The following PDE8B variants were observed in gnomAD, a reference collection of about 807,000 sequenced individuals.
PDE8B encodes the protein high affinity cAMP-specific and IBMX-insensitive 3',5'-cyclic phosphodiesterase 8B.
In PDE8B, 26 loss-of-function variants were observed where a neutral mutation model predicts 101.3. The ratio of observed to expected loss-of-function variants is 0.26; its 90% confidence interval spans 0.19 to 0.36. The LOEUF (loss-of-function observed/expected upper bound fraction) is 0.36. Among genes scored for constraint, PDE8B ranks in the 10% least tolerant of loss-of-function variants. PDE8B has a pLI of 1.00. For synonymous variants in PDE8B, 424 were observed against 429.3 expected (o/e 0.99, Z 0.15); for missense variants, 810 against 1,163.1 (o/e 0.70, Z 4.42).
At chr5:77,355,507 T>A (rs902520161) in intron 10 of PDE8B, among the ~76,000 whole-genome samples, 1 of 152,004 alleles carries the variant, frequency 6.6e-6, no homozygotes, top group Non-Finnish European at 1.5e-5. Context: ...GGCCCATGGG[T>A]TTGCATTTTA....
chr5:77,359,750 G>T (rs1202584921), intron 10 of PDE8B, among the ~76,000 whole-genome samples: 1 of 152,086 alleles, frequency 6.6e-6, no homozygotes, highest in Non-Finnish European at 1.5e-5. Flanking sequence ...ACCCTTAGCT[G>T]AGCCTCAGTC....
intron 10 of PDE8B, among the ~76,000 whole-genome samples, chr5:77,359,710 C>T (rs895872183): frequency 4.6e-5 from 7 of 152,138 alleles, no homozygotes; most frequent in African/African-American, 1.7e-4. Flanking sequence ...TAATAACCAG[C>T]TTCAGCAGGG....
the PDE8B span, among the ~76,000 whole-genome samples, chr5:77,198,160 A>G: frequency 1.8e-4 from 28 of 152,268 alleles, no homozygotes; most frequent in African/African-American, 2.6e-4. Context: ...TTTTAAAGGT[A>G]GGTCTGCAGT....
chr5:77,093,373 C>CTT, the PDE8B span, among the ~76,000 whole-genome samples: 1 of 152,118 alleles, frequency 6.6e-6, no homozygotes, highest in African/African-American at 2.4e-5. Context: ...TTGGTATATA[C>CTT]TTTTTCATAG....
intron 1 of PDE8B, chr5:77,213,939 G>A (rs1287494463): frequency 6.6e-6 from 1 of 152,362 alleles, no homozygotes; most frequent in African/African-American, 2.4e-5. Flanking sequence ...AGGGTTATAA[G>A]CATTAATAAT....
At chr5:77,094,538 T>C in the PDE8B span, among the ~76,000 whole-genome samples, 2 of 152,190 alleles carry the variant, frequency 1.3e-5, no homozygotes, top group Non-Finnish European at 2.9e-5. Context: ...ACTCCTGGGC[T>C]CAAGTGATCC....
the PDE8B span, among the ~76,000 whole-genome samples, chr5:77,089,740 G>C: frequency 6.6e-6 from 1 of 152,310 alleles, no homozygotes; most frequent in East Asian, 1.9e-4. Flanking sequence ...CAGTATGGCG[G>C]CTTCTCAGAA....
chr5:77,162,781 A>T, the PDE8B span, among the ~76,000 whole-genome samples: 2 of 152,226 alleles, frequency 1.3e-5, no homozygotes, highest in Non-Finnish European at 2.9e-5. Context: ...GCCCTGATTT[A>T]CCAATGGGCA....
At chr5:77,247,099 G>A (rs932300601) in intron 1 of PDE8B, among the ~76,000 whole-genome samples, 11 of 152,206 alleles carry the variant, frequency 7.2e-5, no homozygotes, top group Non-Finnish European at 1.3e-4. Context: ...TGCTATGGGC[G>A]TTTCCTCTAG....
intron 1 of PDE8B, among the ~76,000 whole-genome samples, chr5:77,227,590 T>C (rs936880878): frequency 1.1e-4 from 16 of 151,986 alleles, no homozygotes; most frequent in African/African-American, 3.6e-4. Context: ...GAAAATGATA[T>C]AAAGAGTGGA....
chr5:77,293,473 A>G (rs1350151228), intron 1 of PDE8B, among the ~76,000 whole-genome samples: 1 of 152,262 alleles, frequency 6.6e-6, no homozygotes, highest in Non-Finnish European at 1.5e-5. Flanking sequence ...CCAGGAAAAC[A>G]GCATCTCATT....
chr5:77,243,319 C>T (rs992313172), intron 1 of PDE8B, among the ~76,000 whole-genome samples: 1 of 152,096 alleles, frequency 6.6e-6, no homozygotes, highest in African/African-American at 2.4e-5. Flanking sequence ...GTTAGCATTG[C>T]ATTTTTTTGT....
chr5:77,189,455 G>C, the PDE8B span, among the ~76,000 whole-genome samples: 2 of 151,926 alleles, frequency 1.3e-5, no homozygotes, highest in Non-Finnish European at 2.9e-5. Context: ...TCCAGGATGG[G>C]GTGGGGAACA....
intron 1 of PDE8B, chr5:77,246,809 A>T (rs1479358371): frequency 6.6e-6 from 1 of 152,204 alleles, no homozygotes; most frequent in African/African-American, 2.4e-5. Context: ...AAGCTTTACA[A>T]AGGAAAAGAG....
intron 3 of PDE8B, among the ~76,000 whole-genome samples, chr5:77,327,480 G>A (rs1465324414): frequency 6.6e-6 from 1 of 152,166 alleles, no homozygotes; most frequent in African/African-American, 2.4e-5. Flanking sequence ...CCACGCCTTA[G>A]GATATAGCCC....
intron 17 of PDE8B, among the ~76,000 whole-genome samples, chr5:77,414,205 G>A (rs62362509): frequency 0.098 from 14,913 of 152,214 alleles, 841 homozygotes; most frequent in South Asian, 0.15. Context: ...GGGTATGTGG[G>A]TAAGGTTTTC....
At chr5:77,285,903 T>C (rs1413617866) in intron 1 of PDE8B, among the ~76,000 whole-genome samples, 1 of 152,218 alleles carries the variant, frequency 6.6e-6, no homozygotes, top group Non-Finnish European at 1.5e-5. Context: ...ATTTCCAATA[T>C]TGTATTTTTT....
At chr5:77,210,142 G>A (rs1237131412), upstream of PDE8B, among the ~76,000 whole-genome samples, 1 of 152,198 alleles carries the variant, frequency 6.6e-6, no homozygotes, top group Non-Finnish European at 1.5e-5. This position sits in a 1 kb window ranked among gnomAD's most constrained non-coding sequence, Gnocchi z 4.9. Flanking sequence ...TCTGGGATGT[G>A]TGAAAATGTG....
At chr5:77,184,703 G>T in the PDE8B span, among the ~76,000 whole-genome samples, 1 of 152,018 alleles carries the variant, frequency 6.6e-6, no homozygotes, top group Non-Finnish European at 1.5e-5. Flanking sequence ...AAAGAGGCTG[G>T]GCATGATGGC....
Sources: allele counts gnomAD v4.1 joint callset (sites outside exome capture counted in the v4.1 genomes callset), GRCh38; gene constraint gnomAD v4.1.1; non-coding constraint Gnocchi (gnomAD v3.1); transcripts MANE v1.5; gene names NCBI Gene and HGNC (gene_info 2026-07-23, HGNC 2026-07-21).